The following MCTP1 variants were observed in gnomAD, a reference collection of about 807,000 sequenced individuals.
MCTP1 encodes multiple C2 and transmembrane domain-containing protein 1.
A neutral mutation model predicts 120.6 loss-of-function variants in MCTP1; 69 were observed. The observed-to-expected ratio is 0.57, with a 90% CI of 0.47 to 0.70. MCTP1 has a LOEUF of 0.70. Among genes scored for constraint, MCTP1 ranks in the 30% least tolerant of loss-of-function variants. The pLI, the probability that MCTP1 is intolerant of heterozygous loss-of-function variation, is 0.00. For synonymous variants in MCTP1, 529 were observed against 493.1 expected, an observed-to-expected ratio of 1.07 and a Z score of -0.96; for missense variants, 1,203 against 1,248.8, an observed-to-expected ratio of 0.96 and a Z score of 0.55.
At chr5:94,796,648 AT>A (rs1561652056) in intron 18 of MCTP1, among the ~76,000 whole-genome samples, 9 of 16,448 alleles carry the variant, frequency 5.5e-4, no homozygotes, top group Admixed American at 1.2e-3. Context: ...TGTAATATAT[AT>A]TATATATATT....
In MCTP1 at chr5:94,704,381, G is replaced by T. The variant is rs1754078722; in HGVS notation, c.*3115C>A. 6.6e-6 allele frequency: 1 copy of T among 151,410 alleles called. No homozygotes were observed. The highest frequency in any genetic ancestry group is 2.1e-4 in the South Asian group (1 of 4,826). 9.4% of individuals were successfully genotyped at this position (151,410 alleles called of 1,614,324 possible). A position where few individuals can be genotyped will look rare whatever the true frequency, so the allele number is the denominator to read the frequency against. On this transcript the variant is annotated 3_prime_UTR_variant, in exon 23 of 23. Transcript: ENST00000515393. The stretch of plus-strand genomic sequence containing the variant: ...CCTTTTTGTTTGTTCTTAATGCTTA[G>T]TCAACATTATAAACATTTAGGCCCA...
At chr5:95,259,886 A>G (rs1451414229) in intron 1 of MCTP1, among the ~76,000 whole-genome samples, 1 of 152,210 alleles carries the variant, frequency 6.6e-6, no homozygotes, top group Admixed American at 6.5e-5. Context: ...GTTGCTATCA[A>G]ATGAATTTGC....
intron 19 of MCTP1, among the ~76,000 whole-genome samples, chr5:94,763,676 A>G: frequency 6.6e-6 from 1 of 152,168 alleles, no homozygotes; most frequent in Non-Finnish European, 1.5e-5. Flanking sequence ...GTGTCTACCC[A>G]GTGACTTGTC....
chr5:94,930,401 G>T (rs1814359325), intron 6 of MCTP1, among the ~76,000 whole-genome samples: 1 of 149,982 alleles, frequency 6.7e-6, no homozygotes, highest in Non-Finnish European at 1.5e-5. Flanking sequence ...AGCCTCCCTA[G>T]CAGCTGGGAT....
chr5:94,946,464 A>G (rs570482515), intron 3 of MCTP1, among the ~76,000 whole-genome samples: 1 of 152,284 alleles, frequency 6.6e-6, no homozygotes, highest in African/African-American at 2.4e-5. Flanking sequence ...AAAGAGAAAA[A>G]TTGGGAGCCC....
chr5:94,933,697 T>C (rs1466843700), intron 5 of MCTP1, among the ~76,000 whole-genome samples: 1 of 151,848 alleles, frequency 6.6e-6, no homozygotes, highest in Non-Finnish European at 1.5e-5. Flanking sequence ...ATAAGAAATG[T>C]TATGCTATGT....
Position 94,915,435 on chromosome 5 carries a change from G to A in MCTP1, c.1351-2459C>T, listed in dbSNP as rs534272648. Among the ~76,000 whole-genome samples the A allele has an allele frequency of 1.1e-3, 170 of 152,134 alleles. 1 individual carries two copies. The highest frequency in any genetic ancestry group is 2.2e-3 in the Non-Finnish European group (153 of 68,024). ...AAGCACATGGCTAATTCATGAAATT[G>A]TCTTTTACTTTTCTATTATATGACC... On this transcript the variant is annotated intron_variant, in intron 8 of 22. Coordinates refer to ENST00000515393, the MANE Select transcript of MCTP1 (RefSeq NM_024717.7).
At chr5:95,111,783 C>T (rs1279514170) in intron 1 of MCTP1, among the ~76,000 whole-genome samples, 1 of 152,114 alleles carries the variant, frequency 6.6e-6, no homozygotes, top group Non-Finnish European at 1.5e-5. Context: ...GTTGCCTCTG[C>T]AGTTAATTTT....
chr5:95,247,709 G>A (rs1756957824), intron 1 of MCTP1, among the ~76,000 whole-genome samples: 2 of 152,214 alleles, frequency 1.3e-5, no homozygotes, highest in South Asian at 2.1e-4. Flanking sequence ...TTTTGAGTGA[G>A]TCTCTTAATC....
At chr5:94,909,790 G>A (rs530906674) in intron 9 of MCTP1, among the ~76,000 whole-genome samples, 16 of 152,164 alleles carry the variant, frequency 1.1e-4, no homozygotes, top group Non-Finnish European at 2.2e-4. Flanking sequence ...GATTTTCAGA[G>A]TTTGTTTTTT....
chr5:95,086,258 G>A (rs1005039441), intron 1 of MCTP1, among the ~76,000 whole-genome samples: 13 of 152,092 alleles, frequency 8.5e-5, no homozygotes, highest in South Asian at 6.2e-4. Flanking sequence ...ATGTACCCCC[G>A]TACAGTATTA....
intron 1 of MCTP1, among the ~76,000 whole-genome samples, chr5:95,134,177 T>C (rs535395941): frequency 6.6e-6 from 1 of 152,218 alleles, no homozygotes; most frequent in Non-Finnish European, 1.5e-5. Context: ...TATCGGATCA[T>C]TATTTTTCCA....
chr5:94,991,230 T>G (rs1160545422), intron 2 of MCTP1, among the ~76,000 whole-genome samples: 2 of 152,232 alleles, frequency 1.3e-5, no homozygotes, highest in Non-Finnish European at 2.9e-5. Context: ...TGTGCCTTAA[T>G]GTATTTCAGG....
At chr5:95,206,627 C>T (rs751817649) in intron 1 of MCTP1, among the ~76,000 whole-genome samples, 29 of 152,122 alleles carry the variant, frequency 1.9e-4, no homozygotes, top group African/African-American at 6.8e-4. Flanking sequence ...TTCCGCCTCT[C>T]GGATTCAAGC....
chr5:94,978,113 A>G (rs1161760979), intron 2 of MCTP1, among the ~76,000 whole-genome samples: 1 of 152,168 alleles, frequency 6.6e-6, no homozygotes, highest in Non-Finnish European at 1.5e-5. Flanking sequence ...CAACAGGTAT[A>G]TGAAAAGATG....
At chr5:95,004,106 A>G (rs1342783129) in intron 2 of MCTP1, among the ~76,000 whole-genome samples, 1 of 152,204 alleles carries the variant, frequency 6.6e-6, no homozygotes, top group East Asian at 1.9e-4. Context: ...GCTGTGCTTT[A>G]CCAAAGAGAC....
chr5:94,790,966 T>C (rs1320868433), intron 18 of MCTP1, among the ~76,000 whole-genome samples: 2 of 151,976 alleles, frequency 1.3e-5, no homozygotes, highest in African/African-American at 4.8e-5. Flanking sequence ...CTTTATAGTA[T>C]TGAGAAGGCA....
chr5:95,081,779 T>C, intron 1 of MCTP1: 1 of 1,115,864 alleles, frequency 9.0e-7, no homozygotes. Context: ...AAACATCATA[T>C]CTGGGGTTCT....
intron 2 of MCTP1, among the ~76,000 whole-genome samples, chr5:94,960,015 A>G (rs961672202): frequency 6.6e-6 from 1 of 152,212 alleles, no homozygotes; most frequent in Non-Finnish European, 1.5e-5. Context: ...CCTGACTTCA[A>G]GCTACACTAC....
Sources: allele counts gnomAD v4.1 joint callset (sites outside exome capture counted in the v4.1 genomes callset), GRCh38; gene constraint gnomAD v4.1.1; transcripts MANE v1.5; gene names NCBI Gene and HGNC (gene_info 2026-07-23, HGNC 2026-07-21).